The following TRHDE variants were observed in gnomAD, a reference collection of about 807,000 sequenced individuals.
The protein encoded by TRHDE is thyrotropin-releasing hormone-degrading ectoenzyme.
Under a neutral mutation model 125.7 loss-of-function variants are expected in TRHDE, and 72 were observed. That is an observed-to-expected ratio of 0.57 (90% CI 0.47 to 0.70). The LOEUF (loss-of-function observed/expected upper bound fraction) is 0.70, where lower values mean the gene tolerates loss of function less well. Ranked by LOEUF, TRHDE falls within the 30% of genes least tolerant of loss-of-function variation. The pLI is 0.00. For missense variants in TRHDE, 1,110 were observed against 1,327.1 expected (o/e 0.84, Z 2.54); for synonymous variants, 509 against 509.1 (o/e 1.00, Z 0.00).
At chr12:72,477,624 T>C (rs138899929) in intron 5 of TRHDE, among the ~76,000 whole-genome samples, 411 of 152,326 alleles carry the variant, frequency 2.7e-3, no homozygotes, top group Non-Finnish European at 4.9e-3. Context: ...TTAAATCTTA[T>C]TGTGTTTCCT....
chr12:72,206,335 C>T (rs765252332), intron 2 of TRHDE, among the ~76,000 whole-genome samples: 61 of 152,078 alleles, frequency 4.0e-4, no homozygotes, highest in Non-Finnish European at 7.9e-4. Context: ...TCAGGCGATC[C>T]GCCTGCCTCG....
intron 2 of TRHDE, chr12:72,262,921 T>C (rs967752986): frequency 2.8e-4 from 42 of 152,052 alleles, no homozygotes; most frequent in African/African-American, 1.0e-3. Flanking sequence ...TTCTCAGAAA[T>C]GTCAAGAAAA....
chr12:72,191,120 T>C (rs528915079), intron 2 of TRHDE, among the ~76,000 whole-genome samples: 6 of 152,332 alleles, frequency 3.9e-5, no homozygotes, highest in African/African-American at 1.4e-4. Context: ...TGGTTGGACA[T>C]TCATGGAACA....
chr12:72,108,886 G>T (rs906313209), intron 2 of TRHDE, among the ~76,000 whole-genome samples: 3 of 152,076 alleles, frequency 2.0e-5, no homozygotes, highest in African/African-American at 7.2e-5. Context: ...ACAGCTTTGT[G>T]TAGGCCACTG....
At chr12:72,531,734 A>C (rs1868566444) in intron 6 of TRHDE, among the ~76,000 whole-genome samples, 1 of 152,010 alleles carries the variant, frequency 6.6e-6, no homozygotes, top group African/African-American at 2.4e-5. Context: ...CCCTGCTCTT[A>C]TTCTGCTGGT....
At chr12:72,231,191 T>TA (rs1198399847) in intron 2 of TRHDE, among the ~76,000 whole-genome samples, 12 of 151,496 alleles carry the variant, frequency 7.9e-5, no homozygotes, top group East Asian at 3.9e-4. Context: ...GCATGAAAAT[T>TA]AAAAAAAAAT....
intron 2 of TRHDE, among the ~76,000 whole-genome samples, chr12:72,349,261 C>T (rs551475344): frequency 4.6e-5 from 7 of 152,152 alleles, no homozygotes; most frequent in African/African-American, 1.7e-4. Flanking sequence ...TATTCTGAAT[C>T]ATCATAGAAA....
chr12:72,136,442 G>A (rs1025520280), intron 2 of TRHDE, among the ~76,000 whole-genome samples: 4 of 152,146 alleles, frequency 2.6e-5, no homozygotes, highest in African/African-American at 7.2e-5. Context: ...CCAAAGTAAC[G>A]GGGAATTTAA....
intron 2 of TRHDE, among the ~76,000 whole-genome samples, chr12:72,237,024 A>T (rs920854373): frequency 7.9e-5 from 12 of 152,148 alleles, no homozygotes; most frequent in Admixed American, 2.0e-4. Flanking sequence ...TCTTTTAAGT[A>T]AAATTGTTGG....
intron 2 of TRHDE, among the ~76,000 whole-genome samples, chr12:72,308,093 T>C (rs757836924): frequency 9.2e-5 from 14 of 151,960 alleles, no homozygotes; most frequent in African/African-American, 2.7e-4. Context: ...TTTAAGATCA[T>C]CCTCTAGTTT....
chr12:72,380,788 TTCCTTCC>T (rs1289307398), intron 3 of TRHDE, among the ~76,000 whole-genome samples: 2 of 142,704 alleles, frequency 1.4e-5, no homozygotes, highest in Non-Finnish European at 3.1e-5. Flanking sequence ...CCTTCCTTCC[TTCCTTCC>T]TTCCTTCCTT....
At chr12:72,227,658 A>C (rs1205904517) in intron 2 of TRHDE, among the ~76,000 whole-genome samples, 1 of 152,188 alleles carries the variant, frequency 6.6e-6, no homozygotes, top group Non-Finnish European at 1.5e-5. Context: ...TTAACTCAAA[A>C]GTCCACAGTC....
intron 2 of TRHDE, among the ~76,000 whole-genome samples, chr12:72,212,659 G>T (rs1305883809): frequency 2.0e-5 from 3 of 152,094 alleles, no homozygotes; most frequent in Non-Finnish European, 4.4e-5. Context: ...CACTAGGATG[G>T]TTATAATGTA....
chr12:72,114,969 G>C (rs749525611), intron 2 of TRHDE, among the ~76,000 whole-genome samples: 14 of 151,882 alleles, frequency 9.2e-5, no homozygotes, highest in African/African-American at 2.4e-5. Flanking sequence ...AATTTTGTGG[G>C]TATATAGCAG....
chr12:72,620,091 G>C (rs1872982437), intron 13 of TRHDE, among the ~76,000 whole-genome samples: 1 of 151,860 alleles, frequency 6.6e-6, no homozygotes, highest in African/African-American at 2.4e-5. Context: ...ACTTGCTAGA[G>C]AAAGATTACA....
intron 7 of TRHDE, among the ~76,000 whole-genome samples, chr12:72,558,961 G>T (rs1870048379): frequency 6.6e-6 from 1 of 152,142 alleles, no homozygotes; most frequent in Non-Finnish European, 1.5e-5. Context: ...ATGGGGTTTG[G>T]ATGTAGGCTG....
At chr12:72,480,373 T>C (rs1418904008) in intron 5 of TRHDE, among the ~76,000 whole-genome samples, 1 of 152,046 alleles carries the variant, frequency 6.6e-6, no homozygotes, top group Non-Finnish European at 1.5e-5. Context: ...TGTGAGATGG[T>C]ATCTCATTGT....
chr12:72,445,218 A>G (rs2135861459), intron 3 of TRHDE, among the ~76,000 whole-genome samples: 1 of 151,956 alleles, frequency 6.6e-6, no homozygotes, highest in East Asian at 1.9e-4. Context: ...TAATGCTATT[A>G]AATATAGATG....
At chr12:72,397,380 A>G (rs919356337) in intron 3 of TRHDE, among the ~76,000 whole-genome samples, 1 of 152,126 alleles carries the variant, frequency 6.6e-6, no homozygotes, top group Admixed American at 6.6e-5. Flanking sequence ...AACTTTTGCA[A>G]CTTTTCCTAT....
Sources: gnomAD v4.1 joint callset for allele counts (sites outside exome capture counted in the v4.1 genomes callset) on GRCh38, gnomAD v4.1.1 for gene constraint, MANE v1.5 for transcripts, NCBI Gene and HGNC (gene_info 2026-07-23, HGNC 2026-07-21) for gene names.